The following CHN2 variants were observed in gnomAD, a reference collection of about 807,000 sequenced individuals.
CHN2 encodes chimerin 2.
Under a neutral mutation model 56.3 loss-of-function variants are expected in CHN2, and 35 were observed. The observed-to-expected ratio is 0.62, with a 90% CI of 0.47 to 0.82. The LOEUF (loss-of-function observed/expected upper bound fraction) is 0.82, where lower values mean the gene tolerates loss of function less well. Among genes scored for constraint, CHN2 ranks in the 40% least tolerant of loss-of-function variants. CHN2 has a pLI of 0.00. For missense variants in CHN2, 491 were observed against 580.5 expected (o/e 0.85, Z 1.58); for synonymous variants, 210 against 212.8 (o/e 0.99, Z 0.12).
At chr7:29,301,160 A>G (rs531728111) in intron 1 of CHN2, among the ~76,000 whole-genome samples, 11 of 152,310 alleles carry the variant, frequency 7.2e-5, no homozygotes, top group African/African-American at 2.2e-4. Flanking sequence ...AAAGCTTGTG[A>G]TAAGAAAAGC....
At chr7:29,443,207 T>C (rs1259077079) in intron 6 of CHN2, among the ~76,000 whole-genome samples, 3 of 152,098 alleles carry the variant, frequency 2.0e-5, no homozygotes, top group Non-Finnish European at 4.4e-5. Context: ...CCCAAAGTGC[T>C]GGGATTACAG....
intron 1 of CHN2, among the ~76,000 whole-genome samples, chr7:29,326,167 G>GT (rs201713415): frequency 0.024 from 3,665 of 150,186 alleles, 161 homozygotes; most frequent in African/African-American, 0.084. Flanking sequence ...TTTTGTTGTT[G>GT]TTTTTTTTTG....
intron 1 of CHN2, among the ~76,000 whole-genome samples, chr7:29,320,745 C>A (rs1374444312): frequency 6.6e-6 from 1 of 152,064 alleles, no homozygotes; most frequent in Non-Finnish European, 1.5e-5. Flanking sequence ...TCTCTTTGTC[C>A]TGGCACTCCT....
rs35163855 is a variant in CHN2 at position 29,396,459 on chromosome 7, C to CAAAAAAAA, written c.177-1895_177-1888dup. Among the ~76,000 whole-genome samples, 59 of 56,526 alleles carry CAAAAAAAA rather than the reference C, an allele frequency of 1.0e-3. 2 individuals are homozygous for CAAAAAAAA. The highest frequency in any genetic ancestry group is 4.0e-3 in the African/African-American group (55 of 13,688). The allele number at this position is 56,526 out of a possible 152,430, so 37.1% of individuals were successfully genotyped here. ...TTAGGCTACAGAGTGAGACTCTCTCCAAAAAAAAAAAAAAAAAAAAAAAAA... is the reference window on the plus strand; with the variant it reads ...TTAGGCTACAGAGTGAGACTCTCTCCAAAAAAAAAAAAAAAAAAAAAAAAAAAAAAAAA... On this transcript the variant is annotated intron_variant, in intron 4 of 12. Coordinates refer to ENST00000222792, the MANE Select transcript of CHN2 (RefSeq NM_004067.4).
intron 8 of CHN2, among the ~76,000 whole-genome samples, chr7:29,496,518 A>C (rs1789305538): frequency 6.9e-6 from 1 of 145,142 alleles, no homozygotes. Context: ...TCCTCCATTA[A>C]AAAAAAAAAA....
At chr7:29,198,648 T>A (rs1783923944) in intron 1 of CHN2, among the ~76,000 whole-genome samples, 1 of 152,232 alleles carries the variant, frequency 6.6e-6, no homozygotes, top group African/African-American at 2.4e-5. Flanking sequence ...ATCCTTAAGC[T>A]TCTAATTTAG....
intron 2 of CHN2, among the ~76,000 whole-genome samples, chr7:29,364,168 A>G (rs550504853): frequency 6.6e-6 from 1 of 152,346 alleles, no homozygotes; most frequent in African/African-American, 2.4e-5. Context: ...TCTTAAGAAG[A>G]TTCAATACAT....
intron 6 of CHN2, among the ~76,000 whole-genome samples, chr7:29,451,438 T>A (rs1315618274): frequency 6.6e-6 from 1 of 152,134 alleles, no homozygotes; most frequent in Non-Finnish European, 1.5e-5. Context: ...GGTACAGAAG[T>A]ACAGAGGTCT....
intron 6 of CHN2, among the ~76,000 whole-genome samples, chr7:29,458,120 A>G (rs1784898887): frequency 6.6e-6 from 1 of 152,220 alleles, no homozygotes; most frequent in Non-Finnish European, 1.5e-5. Flanking sequence ...AGACAGTGTT[A>G]TAGTTTTTCA....
chr7:29,364,537 AT>A (rs1291882874), intron 2 of CHN2, among the ~76,000 whole-genome samples: 1 of 152,218 alleles, frequency 6.6e-6, no homozygotes, highest in Non-Finnish European at 1.5e-5. Flanking sequence ...TTGCATGCTC[AT>A]TAACAGTAAC....
chr7:29,447,284 C>G (rs1447403952), intron 6 of CHN2, among the ~76,000 whole-genome samples: 1 of 152,160 alleles, frequency 6.6e-6, no homozygotes, highest in Non-Finnish European at 1.5e-5. Context: ...CAAATCAAAC[C>G]TTTAGAAATG....
At chr7:29,386,546 C>T (rs774823702) in intron 3 of CHN2, among the ~76,000 whole-genome samples, 2 of 152,118 alleles carry the variant, frequency 1.3e-5, no homozygotes, top group Admixed American at 6.6e-5. Context: ...CTGTAAATGT[C>T]TTTGTGTTGA....
At chr7:29,330,495 G>A (rs1018538151) in intron 1 of CHN2, among the ~76,000 whole-genome samples, 1 of 152,154 alleles carries the variant, frequency 6.6e-6, no homozygotes, top group African/African-American at 2.4e-5. Context: ...AATTCATGAA[G>A]GTGGCCTTGC....
At chr7:29,237,052 C>T (rs1787249809) in intron 1 of CHN2, among the ~76,000 whole-genome samples, 1 of 152,184 alleles carries the variant, frequency 6.6e-6, no homozygotes. Flanking sequence ...CTGCCTACCC[C>T]AAGGTGCCAA....
intron 9 of CHN2, among the ~76,000 whole-genome samples, chr7:29,501,263 A>G (rs1045093786): frequency 1.3e-5 from 2 of 152,334 alleles, no homozygotes; most frequent in East Asian, 1.9e-4. Context: ...CCCAGAGTGT[A>G]AGAAATGCCT....
chr7:29,169,027 G>T (rs183822341), intron 2 of CHN2, among the ~76,000 whole-genome samples: 294 of 152,224 alleles, frequency 1.9e-3, no homozygotes, highest in African/African-American at 6.5e-3. Context: ...TGAGGAAAAT[G>T]GACTCAAATT....
rs1040450384 is a variant in CHN2 at position 29,395,988 on chromosome 7, A to T, written c.176+2278A>T. Among the ~76,000 whole-genome samples, 22 of 152,190 alleles carry T rather than the reference A, an allele frequency of 1.4e-4. 1 individual carries two copies. Among genetic ancestry groups the T allele is most frequent in the African/African-American group, 5.1e-4 (21 of 41,436 alleles). ...ATAAACAATAAATGCTTGAGGTGAC[A>T]GGCATCCTGATTACCCTGATTTGAT... On this transcript the variant is annotated intron_variant, in intron 4 of 12. Transcript: ENST00000222792.
At chr7:29,276,370 T>C (rs1457508231) in intron 1 of CHN2, among the ~76,000 whole-genome samples, 1 of 152,186 alleles carries the variant, frequency 6.6e-6, no homozygotes, top group Non-Finnish European at 1.5e-5. Context: ...GGCTGTCCCA[T>C]GGGGCCTGGA....
At chr7:29,334,801 C>T (rs1392507692) in intron 1 of CHN2, among the ~76,000 whole-genome samples, 4 of 152,176 alleles carry the variant, frequency 2.6e-5, no homozygotes, top group Admixed American at 6.5e-5. Flanking sequence ...TCATGCTTGT[C>T]GTGACTCTGT....
Sources: allele counts gnomAD v4.1 joint callset (sites outside exome capture counted in the v4.1 genomes callset), GRCh38; gene constraint gnomAD v4.1.1; transcripts MANE v1.5; gene names NCBI Gene and HGNC (gene_info 2026-07-23, HGNC 2026-07-21).